The following PCDH15 variants were observed in gnomAD, a reference collection of about 807,000 sequenced individuals.
The protein encoded by PCDH15 is protocadherin-15.
In PCDH15, 129 loss-of-function variants were observed where a neutral mutation model predicts 178.5. The observed-to-expected ratio is 0.72, with a 90% CI of 0.63 to 0.84. The LOEUF (loss-of-function observed/expected upper bound fraction) is 0.84, where lower values mean the gene tolerates loss of function less well. Among genes scored for constraint, PCDH15 ranks in the 40% least tolerant of loss-of-function variants. PCDH15 has a pLI of 0.00. For synonymous variants in PCDH15, 800 were observed against 732.0 expected (o/e 1.09, Z -1.50); for missense variants, 2,230 against 2,099.9 (o/e 1.06, Z -1.21).
chr10:54,734,340 T>C (rs1176406358), intron 1 of PCDH15, among the ~76,000 whole-genome samples: 1 of 151,718 alleles, frequency 6.6e-6, no homozygotes, highest in Admixed American at 6.6e-5. Context: ...GGCATGCAAA[T>C]TGAAACCACA....
intron 29 of PCDH15, among the ~76,000 whole-genome samples, chr10:53,837,657 C>T (rs1056808671): frequency 7.9e-5 from 12 of 152,074 alleles, no homozygotes; most frequent in South Asian, 2.1e-4. Context: ...TGTTCTAGTA[C>T]ATTTATGCAG....
At position 55,468,862 on chromosome 10, in the gene PCDH15, C is replaced by A. The variant is rs140070644; in HGVS notation, c.-156+158763G>T. On this transcript the variant is annotated intron_variant, in intron 2 of 5. Transcript: ENST00000613346. ...TTAAAGCAAGAGAAGAATCATAATA[C>A]TTATCTCTTATTTTCACACACTGTC... Among the ~76,000 whole-genome samples, 281 of 152,202 alleles carry A rather than the reference C, an allele frequency of 1.8e-3. 1 individual carries two copies. Among genetic ancestry groups the A allele is most frequent in the Middle Eastern group, 3.4e-3 (1 of 292 alleles).
intron 2 of PCDH15, among the ~76,000 whole-genome samples, chr10:54,593,674 T>C (rs917293038): frequency 6.6e-6 from 1 of 152,204 alleles, no homozygotes; most frequent in Admixed American, 6.5e-5. Flanking sequence ...TGTGGTTCCA[T>C]ATAAATTTTA....
chr10:54,548,020 C>G (rs2086054463), intron 2 of PCDH15, among the ~76,000 whole-genome samples: 1 of 148,512 alleles, frequency 6.7e-6, no homozygotes, highest in African/African-American at 2.5e-5. Context: ...TTTTTTCTGA[C>G]TACTTGGCAA....
intron 3 of PCDH15, among the ~76,000 whole-genome samples, chr10:54,513,739 T>C (rs1216506759): frequency 6.6e-6 from 1 of 152,212 alleles, no homozygotes; most frequent in Non-Finnish European, 1.5e-5. Context: ...CTGATGCAGC[T>C]GTTATTTGTG....
Position 54,701,646 on chromosome 10 carries a change from G to T in PCDH15, c.-28-37356C>A, listed in dbSNP as rs192896064. ...AAACAGAAAAGAGAAAAAAGCATGG[G>T]TTGCTATTTTAATTTAAGAAAAAAC... On this transcript the variant is annotated intron_variant, in intron 1 of 37. Coordinates refer to ENST00000644397, the MANE Select transcript of PCDH15 (RefSeq NM_001384140.1). Among the ~76,000 whole-genome samples, 28 of 152,092 alleles carry T rather than the reference G, an allele frequency of 1.8e-4. No individual in the cohort carries two copies. In the East Asian group the frequency reaches 5.0e-3, roughly 27 times the overall value.
chr10:54,049,594 T>C (rs989706465), intron 18 of PCDH15, among the ~76,000 whole-genome samples: 3 of 151,842 alleles, frequency 2.0e-5, no homozygotes, highest in African/African-American at 7.3e-5. Context: ...TTGGATTTTA[T>C]CAAAAGCTTT....
intron 1 of PCDH15, among the ~76,000 whole-genome samples, chr10:55,241,059 A>C (rs1446190219): frequency 6.6e-6 from 1 of 152,138 alleles, no homozygotes; most frequent in African/African-American, 2.4e-5. Flanking sequence ...TATTAAAAAT[A>C]CAAAAAATTA....
intron 6 of PCDH15, among the ~76,000 whole-genome samples, chr10:54,334,017 ATT>A (rs1940471176): frequency 1.3e-5 from 2 of 152,288 alleles, no homozygotes; most frequent in Admixed American, 6.5e-5. Context: ...AGTCGTGGAT[ATT>A]CTCTTTAAAA....
intron 2 of PCDH15, among the ~76,000 whole-genome samples, chr10:55,466,956 C>G (rs531159881): frequency 6.6e-6 from 1 of 152,248 alleles, no homozygotes; most frequent in East Asian, 1.9e-4. Context: ...ATACTGAATG[C>G]TCCCTGATCT....
intron 1 of PCDH15, among the ~76,000 whole-genome samples, chr10:54,755,051 C>T (rs988257373): frequency 1.4e-5 from 2 of 146,962 alleles, no homozygotes; most frequent in Admixed American, 7.1e-5. Flanking sequence ...TAGGTTCAAG[C>T]GATTCTCCTG....
chr10:55,051,972 T>C (rs993685303), intron 2 of PCDH15, among the ~76,000 whole-genome samples: 16 of 151,928 alleles, frequency 1.1e-4, no homozygotes, highest in African/African-American at 3.6e-4. Flanking sequence ...ATAGATAGGG[T>C]GGAGCAAATG....
intron 8 of PCDH15, among the ~76,000 whole-genome samples, chr10:54,248,357 T>A (rs576555687): frequency 6.2e-4 from 94 of 152,180 alleles, no homozygotes; most frequent in Middle Eastern, 3.4e-3. Context: ...AAAATAGTTA[T>A]CTTATTTTGA....
Position 55,316,295 on chromosome 10 carries a change from A to C in PCDH15, c.-156+3304T>G, listed in dbSNP as rs144014269. 5.2e-3 allele frequency among the ~76,000 whole-genome samples: 785 copies of C among 152,268 alleles called. 11 individuals carry two copies. Among genetic ancestry groups the C allele is most frequent in the African/African-American group, 0.018 (739 of 41,560 alleles). On this transcript the variant is annotated intron_variant, in intron 1 of 5. Transcript: ENST00000458638. ...AAACTTACAGCTTGACAAGACATGA[A>C]CCACAAAGAGATTCACAACCTAGAT...
chr10:53,977,520 G>A (rs1347209050), intron 21 of PCDH15, among the ~76,000 whole-genome samples: 2 of 152,132 alleles, frequency 1.3e-5, no homozygotes, highest in Non-Finnish European at 2.9e-5. Context: ...TATAACACAT[G>A]GGGATTATGA....
intron 16 of PCDH15, among the ~76,000 whole-genome samples, chr10:54,081,424 C>T (rs2094435635): frequency 6.6e-6 from 1 of 151,816 alleles, no homozygotes. Context: ...ATACTTAGGG[C>T]CATTTTAAAC....
chr10:54,025,777 G>A (rs575393424), intron 18 of PCDH15, among the ~76,000 whole-genome samples: 76 of 152,178 alleles, frequency 5.0e-4, no homozygotes, highest in African/African-American at 1.7e-3. Context: ...GATTACAGGC[G>A]TGAGCCACTG....
intron 13 of PCDH15, among the ~76,000 whole-genome samples, chr10:54,155,267 T>C (rs1403101962): frequency 6.6e-6 from 1 of 152,106 alleles, no homozygotes; most frequent in African/African-American, 2.4e-5. Flanking sequence ...GATAATTACA[T>C]TGAAGAAGGT....
intron 10 of PCDH15, among the ~76,000 whole-genome samples, chr10:54,202,254 T>C (rs760478654): frequency 6.6e-6 from 1 of 152,020 alleles, no homozygotes; most frequent in African/African-American, 2.4e-5. Context: ...TACTGAACTA[T>C]AGCTTTTAAT....
Sources: gnomAD v4.1 joint callset for allele counts (sites outside exome capture counted in the v4.1 genomes callset) on GRCh38, gnomAD v4.1.1 for gene constraint, MANE v1.5 for transcripts, NCBI Gene and HGNC (gene_info 2026-07-23, HGNC 2026-07-21) for gene names.